MED4: variants seen among roughly 807,000 people sequenced by gnomAD.
MED4 encodes the protein mediator complex subunit 4.
A neutral mutation model predicts 35.0 loss-of-function variants in MED4; 21 were observed. The observed-to-expected ratio is 0.60, with a 90% CI of 0.43 to 0.86. The LOEUF (loss-of-function observed/expected upper bound fraction) is 0.86, where lower values mean the gene tolerates loss of function less well. MED4 is among the 40% of genes least tolerant of loss of function. The probability of loss-of-function intolerance (pLI) is 0.00; values close to 1 mark genes in which losing one functional copy is unlikely to be tolerated. For missense variants in MED4, 300 were observed against 319.4 expected (o/e 0.94, Z 0.46); for synonymous variants, 138 against 114.0 (o/e 1.21, Z -1.34).
At chr13:48,082,171 A>C (rs1174387459) in intron 4 of MED4, among the ~76,000 whole-genome samples, 1 of 151,806 alleles carries the variant, frequency 6.6e-6, no homozygotes, top group Admixed American at 6.6e-5. Flanking sequence ...AGATGTCTAC[A>C]ATGTATTCAT....
chr13:48,080,701 GA>G (rs1273910626), intron 5 of MED4, among the ~76,000 whole-genome samples: 1 of 151,372 alleles, frequency 6.6e-6, no homozygotes, highest in African/African-American at 2.4e-5. Context: ...AGACAGAAAG[GA>G]CTGGAATGTT....
chr13:48,086,420 T>C lies in MED4; in HGVS notation c.225A>G (p.Glu75=), dbSNP rs1175520914. ...VLELLIHRDG[E]FQELMKLALN... ...GTGCCAATTTCATTAGTTCTTGAAA[T>C]TCCCCATCTCGGTGAATTAACAACT... The change falls in exon 3 of 7, where the codon GAA becomes GAG. Residue 75 remains glutamate (E), a synonymous_variant. Transcript: ENST00000258648. 6.2e-7 allele frequency: 1 copy of C among 1,613,760 alleles called. No homozygotes were observed. The highest frequency in any genetic ancestry group is 8.5e-7 in the Non-Finnish European group (1 of 1,179,926).
intron 5 of MED4, among the ~76,000 whole-genome samples, chr13:48,081,304 TA>T (rs1279959014): frequency 6.6e-6 from 1 of 152,246 alleles, no homozygotes; most frequent in Admixed American, 6.5e-5. Flanking sequence ...GTGGAAATCC[TA>T]ATGGCTCTAA....
chr13:48,094,684 CGTTCCATAAAT>C (rs1293011616), intron 1 of MED4, among the ~76,000 whole-genome samples: 1 of 152,128 alleles, frequency 6.6e-6, no homozygotes. Context: ...CCCCAAGGAG[CGTTCCATAAAT>C]GTTAAGTGGC....
Position 48,079,830 on chromosome 13 carries a change from C to A in MED4, c.640+14G>T, listed in dbSNP as rs765675470. 6.2e-7 allele frequency: 1 copy of A among 1,611,960 alleles called. No homozygotes were observed. The highest frequency in any genetic ancestry group is 8.5e-7 in the Non-Finnish European group (1 of 1,178,636). On this transcript the variant is annotated intron_variant, in intron 6 of 6. Transcript: ENST00000258648. ...CCCTGATCTGTTTGAAAACACTCTT[C>A]GGCTTAACATTACCTGGCAATCTTC... is the stretch of plus-strand genomic sequence containing the variant.
At chr13:48,092,277 T>C (rs1340351705) in intron 1 of MED4, among the ~76,000 whole-genome samples, 3 of 150,460 alleles carry the variant, frequency 2.0e-5, no homozygotes, top group Non-Finnish European at 2.9e-5. Flanking sequence ...CCGGCTAATT[T>C]TGTATTTTTT....
At position 48,076,494 on chromosome 13, in the gene MED4, A is replaced by C. The variant is rs1593539882; in HGVS notation, c.*645T>G. 6.6e-6 allele frequency: 1 copy of C among 152,180 alleles called. No individual in the cohort carries two copies. Among genetic ancestry groups the C allele is most frequent in the African/African-American group, 2.4e-5 (1 of 41,456 alleles). The allele number at this position is 152,180 out of a possible 1,614,324, so 9.4% of individuals were successfully genotyped here. On this transcript the variant is annotated 3_prime_UTR_variant, in exon 7 of 7. Coordinates refer to ENST00000258648, the MANE Select transcript of MED4 (RefSeq NM_014166.4). Reference sequence around the variant, plus strand: ...GTAATAGGTTTCAATTCAGTTAGTCACTCAAGTATTATAAAATGCAACTGG... The same window carrying C: ...GTAATAGGTTTCAATTCAGTTAGTCCCTCAAGTATTATAAAATGCAACTGG...
At position 48,076,800 on chromosome 13, in the gene MED4, G is replaced by A. The variant is rs1950762159; in HGVS notation, c.*339C>T. 1 of 179,676 alleles carries A rather than the reference G, an allele frequency of 5.6e-6. No individual in the cohort carries two copies. The highest frequency in any genetic ancestry group is 1.2e-5 in the Non-Finnish European group (1 of 86,266). The allele number at this position is 179,676 out of a possible 1,614,324, so 11.1% of individuals were successfully genotyped here. A position where few individuals can be genotyped will look rare whatever the true frequency, so the allele number is the denominator to read the frequency against. ...ATTCCAAGAAGCCTATTAGTGATAT[G>A]TATATGGATAATTTCCCTCAACTCT... On this transcript the variant is annotated 3_prime_UTR_variant, in exon 7 of 7. Transcript: ENST00000258648.
In MED4 at chr13:48,080,741, C is replaced by CT. The variant is rs11299325; in HGVS notation, c.509-767dup. Reference sequence around the variant, plus strand: ...TAGAAGGACTGTCTCAATTTAAAATCTTTTTTTTTTTTTACATTTTTCATC... The same window carrying CT: ...TAGAAGGACTGTCTCAATTTAAAATCTTTTTTTTTTTTTTACATTTTTCATC... On this transcript the variant is annotated intron_variant, in intron 5 of 6. Transcript: ENST00000258648. Among the ~76,000 whole-genome samples, 255 of 146,644 alleles carry CT rather than the reference C, an allele frequency of 1.7e-3. 3 individuals are homozygous for CT. Among genetic ancestry groups the CT allele is most frequent in the African/African-American group, 4.4e-3 (179 of 40,628 alleles).
chr13:48,083,079 TTC>T (rs1243724152), intron 4 of MED4, among the ~76,000 whole-genome samples: 1 of 152,224 alleles, frequency 6.6e-6, no homozygotes, highest in Non-Finnish European at 1.5e-5. Flanking sequence ...TAACCCATAC[TTC>T]TCTTTCCCTC....
At chr13:48,087,388 T>C (rs992791339) in intron 2 of MED4, among the ~76,000 whole-genome samples, 2 of 152,042 alleles carry the variant, frequency 1.3e-5, no homozygotes, top group African/African-American at 4.8e-5. Context: ...TATATATAAA[T>C]AATGAAAGTT....
At chr13:48,092,300 T>C (rs1368530711) in intron 1 of MED4, among the ~76,000 whole-genome samples, 1 of 151,608 alleles carries the variant, frequency 6.6e-6, no homozygotes, top group African/African-American at 2.4e-5. Context: ...TTAGTACAGA[T>C]GGGGTTTCTC....
At chr13:48,077,367 C>G (rs758479731) in intron 6 of MED4, 56 bp from the exon 7 acceptor site, 52 of 1,306,786 alleles carry the variant, frequency 4.0e-5, no homozygotes, top group Non-Finnish European at 5.3e-5. Flanking sequence ...TAATCTAGTT[C>G]TTACTTTTCC....
Position 48,081,747 on chromosome 13 carries a change from G to T in MED4, c.422-16C>A. The T allele has an allele frequency of 6.4e-7, 1 of 1,556,206 alleles. No homozygotes were observed. Among genetic ancestry groups the T allele is most frequent in the South Asian group, 1.1e-5 (1 of 88,090 alleles). The stretch of plus-strand genomic sequence containing the variant: ...GAGATAGCACCTGAAAGAGTTTTAA[G>T]AGGACAGTATAACCTGTAGTCTAAC... On this transcript the variant is annotated splice_polypyrimidine_tract_variant and intron_variant, in intron 4 of 6. Coordinates refer to ENST00000258648, the MANE Select transcript of MED4 (RefSeq NM_014166.4).
intron 2 of MED4, among the ~76,000 whole-genome samples, chr13:48,090,121 A>C (rs1950880425): frequency 6.6e-6 from 1 of 152,216 alleles, no homozygotes; most frequent in Admixed American, 6.5e-5. Context: ...AGAGAAAATA[A>C]CAAAATACTG....
intron 6 of MED4, 28 bp downstream of exon 6, chr13:48,079,816 T>C (rs771118061): frequency 5.0e-6 from 8 of 1,608,710 alleles, no homozygotes; most frequent in African/African-American, 2.7e-5. Flanking sequence ...CCTGATCTGT[T>C]TGAAAACACT....
In MED4 at chr13:48,089,043, G is replaced by C. The variant is rs138466732; in HGVS notation, c.192+1309C>G. Among the ~76,000 whole-genome samples the C allele has an allele frequency of 8.4e-3, 1,286 of 152,278 alleles. 13 individuals carry two copies. The highest frequency in any genetic ancestry group is 0.011 in the Non-Finnish European group (749 of 68,012). ...CTGGCTCATAGCAAGCATTTAATAA[G>C]TGTCTATCAAATAAAGTCAAGCCTT... On this transcript the variant is annotated intron_variant, in intron 2 of 6. Transcript: ENST00000258648.
chr13:48,089,680 G>C (rs1008221778), intron 2 of MED4, among the ~76,000 whole-genome samples: 3 of 152,140 alleles, frequency 2.0e-5, no homozygotes, highest in African/African-American at 7.2e-5. Context: ...AGTCCAGCAG[G>C]TTGAGGCTGC....
At chr13:48,094,519 G>C (rs759310597) in intron 1 of MED4, among the ~76,000 whole-genome samples, 3 of 152,034 alleles carry the variant, frequency 2.0e-5, no homozygotes, top group Non-Finnish European at 2.9e-5. Flanking sequence ...GGCCTGCCCT[G>C]ACTACAACCA....
Sources: allele counts gnomAD v4.1 joint callset (sites outside exome capture counted in the v4.1 genomes callset), GRCh38; gene constraint gnomAD v4.1.1; transcripts MANE v1.5; gene names NCBI Gene and HGNC (gene_info 2026-07-23, HGNC 2026-07-21).